Variants in PIK3C2A observed in about 807,000 individuals in gnomAD.
PIK3C2A encodes the protein phosphatidylinositol-4-phosphate 3-kinase catalytic subunit type 2 alpha.
In PIK3C2A, 97 loss-of-function variants were observed where a neutral mutation model predicts 204.5. The observed-to-expected ratio is 0.47, with a 90% CI of 0.40 to 0.56. The LOEUF is 0.56. Ranked by LOEUF, PIK3C2A falls within the 20% of genes least tolerant of loss-of-function variation. The pLI, the probability that PIK3C2A is intolerant of heterozygous loss-of-function variation, is 0.00. For synonymous variants in PIK3C2A, 653 were observed against 664.4 expected (o/e 0.98, Z 0.26); for missense variants, 1,735 against 1,969.2 (o/e 0.88, Z 2.25).
chr11:17,127,120 A>C (rs1173997881), intron 13 of PIK3C2A, among the ~76,000 whole-genome samples: 2 of 152,062 alleles, frequency 1.3e-5, no homozygotes, highest in African/African-American at 2.4e-5. Flanking sequence ...TATTTAGCAA[A>C]AGGTTCCTAA....
intron 32 of PIK3C2A, among the ~76,000 whole-genome samples, chr11:17,090,743 T>A (rs1044872109): frequency 2.1e-5 from 3 of 145,416 alleles, no homozygotes; most frequent in South Asian, 2.2e-4. Flanking sequence ...AAACTTAAAA[T>A]TTTTTTTTTT....
At chr11:17,095,394 T>G (rs1590895327) in intron 27 of PIK3C2A, among the ~76,000 whole-genome samples, 3 of 136,422 alleles carry the variant, frequency 2.2e-5, no homozygotes. Flanking sequence ...GCTAACATGG[T>G]GAAATCCTGT....
chr11:17,103,372 T>C (rs192394050), intron 23 of PIK3C2A, among the ~76,000 whole-genome samples: 26 of 152,220 alleles, frequency 1.7e-4, no homozygotes, highest in African/African-American at 5.8e-4. Context: ...AAATTACTAA[T>C]ATAATATTGT....
intron 3 of PIK3C2A, among the ~76,000 whole-genome samples, chr11:17,152,949 G>C (rs570040347): frequency 6.6e-6 from 1 of 152,118 alleles, no homozygotes; most frequent in African/African-American, 2.4e-5. Flanking sequence ...TGAAGTCCTT[G>C]AAAACATACA....
chr11:17,138,354 G>C, intron 8 of PIK3C2A: 1 of 433,858 alleles, frequency 2.3e-6, no homozygotes, highest in South Asian at 2.5e-5. Flanking sequence ...TTCAGTGTGA[G>C]AGCTGAGTAG....
chr11:17,182,584 A>G (rs1300398553), intron 1 of PIK3C2A, among the ~76,000 whole-genome samples: 2 of 151,862 alleles, frequency 1.3e-5, no homozygotes, highest in Non-Finnish European at 2.9e-5. Context: ...AAAAAAAAAA[A>G]AAGTTCGACT....
chr11:17,135,661 T>G (rs796309881), intron 9 of PIK3C2A, among the ~76,000 whole-genome samples: 1 of 144,170 alleles, frequency 6.9e-6, no homozygotes, highest in South Asian at 2.3e-4. Context: ...TTGATCACCT[T>G]CAAGTAATTT....
At chr11:17,094,206 T>C (rs1848390902) in intron 28 of PIK3C2A, 55 bp downstream of exon 28, 2 of 1,387,554 alleles carry the variant, frequency 1.4e-6, no homozygotes, top group Non-Finnish European at 2.0e-6. Context: ...CTACCTACAT[T>C]TGATAACAAG....
At chr11:17,170,971 C>T (rs1316051859) in intron 1 of PIK3C2A, among the ~76,000 whole-genome samples, 1 of 151,968 alleles carries the variant, frequency 6.6e-6, no homozygotes, top group Non-Finnish European at 1.5e-5. Flanking sequence ...GGCATGGTGG[C>T]GGGCACCTGT....
intron 24 of PIK3C2A, among the ~76,000 whole-genome samples, chr11:17,101,895 A>ACG (rs1848645663): frequency 6.6e-6 from 1 of 151,554 alleles, no homozygotes; most frequent in Non-Finnish European, 1.5e-5. Flanking sequence ...GAGCCACTGC[A>ACG]CCCGGCCTCT....
At position 17,169,088 on chromosome 11, in the gene PIK3C2A, T is replaced by C; in HGVS notation, c.654A>G (p.Val218=). The C allele has an allele frequency of 1.9e-6, 3 of 1,614,232 alleles. No homozygotes were observed. Among genetic ancestry groups the C allele is most frequent in the Non-Finnish European group, 2.5e-6 (3 of 1,180,046 alleles). ...ATAGTTTTGCCATGTCAGTACTGACTACTGGACGATAGATAGGTAAGCTTC... is the reference window on the plus strand; with the variant it reads ...ATAGTTTTGCCATGTCAGTACTGACCACTGGACGATAGATAGGTAAGCTTC... ...PQGSLPIYRP[V]VSTDMAKLFD... The change falls in exon 2 of 33, where the codon GTA becomes GTG. Residue 218 remains valine, a synonymous_variant. Transcript: ENST00000691414.
intron 20 of PIK3C2A, among the ~76,000 whole-genome samples, chr11:17,113,886 C>G (rs1476829906): frequency 6.6e-6 from 1 of 151,250 alleles, no homozygotes; most frequent in Non-Finnish European, 1.5e-5. Flanking sequence ...TCAAGACCAG[C>G]CTGGTCAACA....
At chr11:17,172,655 C>T (rs1284706925) in intron 1 of PIK3C2A, among the ~76,000 whole-genome samples, 1 of 152,246 alleles carries the variant, frequency 6.6e-6, no homozygotes, top group Non-Finnish European at 1.5e-5. Flanking sequence ...TTAACTTCCA[C>T]CACCACCTTC....
intron 12 of PIK3C2A, among the ~76,000 whole-genome samples, chr11:17,130,937 A>G (rs909853478): frequency 6.6e-6 from 1 of 152,026 alleles, no homozygotes; most frequent in Admixed American, 6.6e-5. Flanking sequence ...CTGTAATCCC[A>G]GCACTTTGGG....
At chr11:17,101,193 C>T in intron 25 of PIK3C2A, 85 bp downstream of exon 25, 3 of 832,246 alleles carry the variant, frequency 3.6e-6, no homozygotes, top group South Asian at 3.3e-5. Flanking sequence ...AATTTTATTC[C>T]AAAATCACAA....
intron 19 of PIK3C2A, chr11:17,115,574 T>C (rs949255749): frequency 2.7e-5 from 4 of 148,352 alleles, no homozygotes; most frequent in African/African-American, 7.4e-5. Context: ...AAAACAAATA[T>C]AGCATATGGA....
At chr11:17,183,151 A>G (rs1213949090) in intron 1 of PIK3C2A, among the ~76,000 whole-genome samples, 1 of 152,176 alleles carries the variant, frequency 6.6e-6, no homozygotes, top group Non-Finnish European at 1.5e-5. Context: ...GCCTCACTGC[A>G]TTTTAAAATA....
At chr11:17,113,408 C>T (rs957084313) in intron 20 of PIK3C2A, among the ~76,000 whole-genome samples, 4 of 152,002 alleles carry the variant, frequency 2.6e-5, no homozygotes, top group Non-Finnish European at 4.4e-5. Context: ...GTGAGACCTC[C>T]ATTCTTCTGT....
chr11:17,167,317 GT>G (rs200127165), intron 2 of PIK3C2A, among the ~76,000 whole-genome samples: 21 of 148,986 alleles, frequency 1.4e-4, no homozygotes, highest in Admixed American at 1.3e-4. Context: ...CATCCAAAAT[GT>G]TTTTTTTTTA....
Sources: gnomAD v4.1 joint callset for allele counts (sites outside exome capture counted in the v4.1 genomes callset) on GRCh38, gnomAD v4.1.1 for gene constraint, MANE v1.5 for transcripts, NCBI Gene and HGNC (gene_info 2026-07-23, HGNC 2026-07-21) for gene names.